The following CDC14B variants were observed in gnomAD, a reference collection of about 807,000 sequenced individuals.
The protein encoded by CDC14B is cell division cycle 14B.
Under a neutral mutation model 64.2 loss-of-function variants are expected in CDC14B, and 22 were observed. The observed-to-expected ratio is 0.34, with a 90% confidence interval of 0.24 to 0.49. The LOEUF (loss-of-function observed/expected upper bound fraction) is 0.49. Ranked by LOEUF, CDC14B falls within the 20% of genes least tolerant of loss-of-function variation. CDC14B has a pLI of 0.99. For synonymous variants in CDC14B, 191 were observed against 215.8 expected, an observed-to-expected ratio of 0.89 and a Z score of 1.01; for missense variants, 498 against 629.9, an observed-to-expected ratio of 0.79 and a Z score of 2.24.
chr9:96,531,784 A>C (rs1260552757), intron 9 of CDC14B, among the ~76,000 whole-genome samples: 1 of 152,202 alleles, frequency 6.6e-6, no homozygotes, highest in African/African-American at 2.4e-5. Flanking sequence ...AATATTTTAC[A>C]AATTATCTTG....
In CDC14B at chr9:96,565,503, A is replaced by G. The variant is rs780412026; in HGVS notation, c.161-20T>C. 3 of 1,510,050 alleles carry G rather than the reference A, an allele frequency of 2.0e-6. No individual in the cohort carries two copies. Among genetic ancestry groups the G allele is most frequent in the African/African-American group, 1.4e-5 (1 of 72,796 alleles). 93.5% of individuals were successfully genotyped at this position (1,510,050 alleles called of 1,614,324 possible). A position where few individuals can be genotyped will look rare whatever the true frequency, so the allele number is the denominator to read the frequency against. On this transcript the variant is annotated intron_variant, in intron 1 of 13. Transcript: ENST00000375241. Reference sequence around the variant, plus strand: ...GGCGATCTGAAATGGAAAAATTGCAATGTTCCTTCCTGGAGGTTACAAAAA... The same window carrying G: ...GGCGATCTGAAATGGAAAAATTGCAGTGTTCCTTCCTGGAGGTTACAAAAA...
chr9:96,616,805 A>G (rs772912256), intron 1 of CDC14B, among the ~76,000 whole-genome samples: 6 of 152,216 alleles, frequency 3.9e-5, no homozygotes, highest in Admixed American at 2.0e-4. Flanking sequence ...GAAAACAATA[A>G]TGGAGGGAAA....
chr9:96,539,967 C>G (rs1030581979), intron 6 of CDC14B, among the ~76,000 whole-genome samples: 1 of 152,066 alleles, frequency 6.6e-6, no homozygotes, highest in African/African-American at 2.4e-5. Flanking sequence ...ACCCAGTTTT[C>G]AAAAGTAAAC....
At chr9:96,565,055 T>C (rs1260104976) in intron 2 of CDC14B, among the ~76,000 whole-genome samples, 1 of 152,198 alleles carries the variant, frequency 6.6e-6, no homozygotes, top group Non-Finnish European at 1.5e-5. Flanking sequence ...AGTGCTATAA[T>C]GCCTACATGT....
At chr9:96,591,211 T>C (rs753338897) in intron 1 of CDC14B, among the ~76,000 whole-genome samples, 3 of 152,258 alleles carry the variant, frequency 2.0e-5, no homozygotes, top group Non-Finnish European at 1.5e-5. Flanking sequence ...TCCTATGCTT[T>C]TGTCTAAGAC....
chr9:96,498,424 A>C (rs1282499324), downstream of CDC14B, among the ~76,000 whole-genome samples: 1 of 152,208 alleles, frequency 6.6e-6, no homozygotes, highest in African/African-American at 2.4e-5. Context: ...CTTGTATTTC[A>C]GTCCACTGAG....
chr9:96,568,139 T>C (rs748444252), intron 1 of CDC14B, among the ~76,000 whole-genome samples: 5 of 152,212 alleles, frequency 3.3e-5, no homozygotes, highest in Non-Finnish European at 7.3e-5. Context: ...AAAGTGTTAC[T>C]TTATACATAC....
intron 12 of CDC14B, 27 bp from the exon 13 acceptor site, chr9:96,509,816 T>C: frequency 1.4e-6 from 2 of 1,379,382 alleles, no homozygotes; most frequent in Non-Finnish European, 2.1e-6. Flanking sequence ...AAAAATAAGA[T>C]TATATTCACT....
intron 1 of CDC14B, chr9:96,567,044 G>A (rs1229289851): frequency 8.3e-7 from 1 of 1,202,582 alleles, no homozygotes; most frequent in Non-Finnish European, 1.1e-6. Context: ...CGTGGGGACG[G>A]ACAGCACCCC....
chr9:96,530,344 G>A (rs1838260877), intron 9 of CDC14B, among the ~76,000 whole-genome samples: 1 of 150,592 alleles, frequency 6.6e-6, no homozygotes. Flanking sequence ...CCAGGCTGGA[G>A]TGCAGTGGCG....
At chr9:96,493,564 G>C (rs1438048020) in intron 13 of CDC14B, among the ~76,000 whole-genome samples, 1 of 152,208 alleles carries the variant, frequency 6.6e-6, no homozygotes, top group Non-Finnish European at 1.5e-5. Context: ...GACTGGGCAT[G>C]GTGGCCCACA....
intron 12 of CDC14B, among the ~76,000 whole-genome samples, chr9:96,516,536 A>G (rs547757719): frequency 2.2e-4 from 34 of 152,036 alleles, no homozygotes; most frequent in African/African-American, 8.2e-4. Flanking sequence ...CCGGAGTGCA[A>G]TGGCGTGATT....
chr9:96,614,397 G>C (rs886579300), intron 1 of CDC14B, among the ~76,000 whole-genome samples: 4 of 151,978 alleles, frequency 2.6e-5, no homozygotes, highest in Admixed American at 1.3e-4. Flanking sequence ...TGGCCAGGCT[G>C]GTCTTGAACT....
intron 3 of CDC14B, among the ~76,000 whole-genome samples, chr9:96,564,087 C>T (rs1208535036): frequency 1.3e-5 from 2 of 151,636 alleles, no homozygotes; most frequent in African/African-American, 4.9e-5. Context: ...AGTGCCTGTC[C>T]CAAAAAGCAG....
Position 96,522,601 on chromosome 9 carries a change from G to A in CDC14B, c.1248C>T (p.Tyr416=), listed in dbSNP as rs148723764. The part of the protein sequence containing the change: ...ENQDQQEPEP[Y]SDDDEINGVT... ...CTCCATTGATTTCGTCATCATCACTGTACTGTGTAAGTAAAAAAACACTGA... is the reference window on the plus strand; with the variant it reads ...CTCCATTGATTTCGTCATCATCACTATACTGTGTAAGTAAAAAAACACTGA... Residue 416 remains tyrosine, a splice_region_variant and synonymous_variant, in exon 12 of 14, where the codon TAC becomes TAT. Transcript: ENST00000375241. The A allele has an allele frequency of 3.3e-5, 53 of 1,600,470 alleles. No individual in the cohort carries two copies. Among genetic ancestry groups the A allele is most frequent in the Non-Finnish European group, 4.4e-5 (51 of 1,167,696 alleles).
At chr9:96,510,713 C>T (rs1834800807) in intron 12 of CDC14B, among the ~76,000 whole-genome samples, 1 of 151,900 alleles carries the variant, frequency 6.6e-6, no homozygotes, top group South Asian at 2.1e-4. Context: ...TCAAGCGATC[C>T]TCCTGCCTCA....
chr9:96,548,151 A>T (rs2131993189), intron 5 of CDC14B, among the ~76,000 whole-genome samples: 1 of 152,228 alleles, frequency 6.6e-6, no homozygotes. Context: ...AGACTAGGAG[A>T]CCAAGGCTCA....
chr9:96,532,706 C>T (rs544563473), intron 9 of CDC14B, among the ~76,000 whole-genome samples: 15 of 152,320 alleles, frequency 9.8e-5, no homozygotes, highest in African/African-American at 3.6e-4. Context: ...TCTAGCTTCA[C>T]ACGCACTGAT....
chr9:96,556,407 T>C (rs562932436), intron 4 of CDC14B, among the ~76,000 whole-genome samples: 8 of 151,990 alleles, frequency 5.3e-5, no homozygotes, highest in Middle Eastern at 6.8e-3. Flanking sequence ...AAGTTGAAGA[T>C]AGGCTTACAC....
Sources: allele counts gnomAD v4.1 joint callset (sites outside exome capture counted in the v4.1 genomes callset), GRCh38; gene constraint gnomAD v4.1.1; transcripts MANE v1.5; gene names NCBI Gene and HGNC (gene_info 2026-07-23, HGNC 2026-07-21).